Variants in TMTC2 observed in about 807,000 individuals in gnomAD.
The protein encoded by TMTC2 is transmembrane O-mannosyltransferase targeting cadherins 2.
TMTC2 carries 43 observed loss-of-function variants against 82.4 expected under a neutral mutation model. The ratio of observed to expected loss-of-function variants is 0.52; its 90% CI spans 0.41 to 0.67. The LOEUF is 0.67. Among genes scored for constraint, TMTC2 ranks in the 30% least tolerant of loss-of-function variants. TMTC2 has a pLI of 0.00. For synonymous variants in TMTC2, 408 were observed against 381.9 expected (o/e 1.07, Z -0.80); for missense variants, 919 against 1,012.4 (o/e 0.91, Z 1.25).
intron 8 of TMTC2, among the ~76,000 whole-genome samples, chr12:83,013,484 C>T (rs900438466): frequency 6.6e-6 from 1 of 152,160 alleles, no homozygotes; most frequent in East Asian, 1.9e-4. Context: ...GCTTATCTTT[C>T]AGTACAGAAG....
At chr12:82,903,309 C>T (rs1039587433) in intron 3 of TMTC2, among the ~76,000 whole-genome samples, 5 of 152,180 alleles carry the variant, frequency 3.3e-5, no homozygotes, top group Admixed American at 6.5e-5. Context: ...CACTATTTGA[C>T]ATACTATATT....
chr12:82,743,764 A>G (rs979861996), intron 1 of TMTC2, among the ~76,000 whole-genome samples: 4 of 152,190 alleles, frequency 2.6e-5, no homozygotes, highest in Non-Finnish European at 5.9e-5. Flanking sequence ...TGCCTTTCTG[A>G]TAGCTTTATT....
At chr12:82,939,439 T>A (rs1188995450) in intron 4 of TMTC2, among the ~76,000 whole-genome samples, 2 of 152,218 alleles carry the variant, frequency 1.3e-5, no homozygotes, top group African/African-American at 4.8e-5. Context: ...ATTTGCAGCC[T>A]AATATGCTTT....
chr12:83,059,959 C>T (rs536061985), intron 10 of TMTC2, among the ~76,000 whole-genome samples: 1 of 151,650 alleles, frequency 6.6e-6, no homozygotes, highest in Non-Finnish European at 1.5e-5. Context: ...CGGGAGAAAA[C>T]CTTTCCAGGG....
At chr12:82,813,900 A>C (rs1377392423) in intron 1 of TMTC2, among the ~76,000 whole-genome samples, 3 of 152,130 alleles carry the variant, frequency 2.0e-5, no homozygotes, top group Non-Finnish European at 2.9e-5. Flanking sequence ...CCAAACTTTT[A>C]AATTTCCTCT....
At chr12:83,009,666 A>G (rs1464120278) in intron 8 of TMTC2, among the ~76,000 whole-genome samples, 1 of 152,154 alleles carries the variant, frequency 6.6e-6, no homozygotes, top group Non-Finnish European at 1.5e-5. Context: ...GCGAGAACTA[A>G]TCTCTGCCTT....
intron 8 of TMTC2, among the ~76,000 whole-genome samples, chr12:83,001,635 C>CAA (rs34467744): frequency 4.1e-4 from 38 of 93,122 alleles, no homozygotes; most frequent in South Asian, 2.0e-3. Context: ...AACTCTGTCT[C>CAA]AAAAAAAAAA....
chr12:82,986,133 A>G (rs1000087005), intron 8 of TMTC2, 87 bp downstream of exon 8: 1 of 1,569,128 alleles, frequency 6.4e-7, no homozygotes, highest in Non-Finnish European at 8.7e-7. Flanking sequence ...TTTTACAGCC[A>G]GTTATCTAAG....
intron 9 of TMTC2, among the ~76,000 whole-genome samples, chr12:83,046,303 A>T (rs1882124493): frequency 2.6e-5 from 4 of 152,146 alleles, no homozygotes; most frequent in Admixed American, 2.6e-4. Context: ...TTCCCATAAG[A>T]CACTGATTCT....
chr12:83,079,244 C>T (rs1883384093), intron 11 of TMTC2, among the ~76,000 whole-genome samples: 1 of 151,854 alleles, frequency 6.6e-6, no homozygotes, highest in African/African-American at 2.4e-5. Context: ...AGTAGATCTT[C>T]CCCTATGGAA....
chr12:82,999,053 A>G (rs1366636849), intron 8 of TMTC2, among the ~76,000 whole-genome samples: 1 of 152,198 alleles, frequency 6.6e-6, no homozygotes, highest in Non-Finnish European at 1.5e-5. Context: ...ATTGTTATCA[A>G]CTAAAGTCCA....
chr12:83,075,018 T>C (rs1883239646), intron 11 of TMTC2, among the ~76,000 whole-genome samples: 1 of 152,202 alleles, frequency 6.6e-6, no homozygotes, highest in South Asian at 2.1e-4. Context: ...AGGAATGGCC[T>C]GCTTGGGGAC....
At chr12:82,771,640 T>G (rs564365166) in intron 1 of TMTC2, among the ~76,000 whole-genome samples, 1 of 152,338 alleles carries the variant, frequency 6.6e-6, no homozygotes, top group East Asian at 1.9e-4. Context: ...ATTTGATAAC[T>G]GTAATGTAAA....
intron 1 of TMTC2, among the ~76,000 whole-genome samples, chr12:82,728,936 G>A (rs879298242): frequency 1.3e-5 from 2 of 152,218 alleles, no homozygotes; most frequent in African/African-American, 2.4e-5. Flanking sequence ...TGGACTTCTC[G>A]TCGGGCCTTA....
chr12:83,125,216 C>A (rs918042687), intron 11 of TMTC2, among the ~76,000 whole-genome samples: 3 of 152,144 alleles, frequency 2.0e-5, no homozygotes, highest in African/African-American at 7.2e-5. Context: ...TCTATCATTA[C>A]CTTGAGTGAA....
intron 8 of TMTC2, among the ~76,000 whole-genome samples, chr12:82,997,420 A>ATGTGTG (rs1879713101): frequency 8.6e-6 from 1 of 116,208 alleles, no homozygotes; most frequent in African/African-American, 3.3e-5. Context: ...GTGTATATAT[A>ATGTGTG]TATATATACA....
intron 2 of TMTC2, among the ~76,000 whole-genome samples, chr12:82,861,844 G>A (rs1361782538): frequency 6.6e-6 from 1 of 152,186 alleles, no homozygotes; most frequent in East Asian, 1.9e-4. Flanking sequence ...TCAGGATTTA[G>A]TTTAATATAT....
intron 7 of TMTC2, among the ~76,000 whole-genome samples, chr12:82,978,200 C>T (rs1311274141): frequency 6.6e-6 from 1 of 151,538 alleles, no homozygotes; most frequent in Non-Finnish European, 1.5e-5. Context: ...AATAGATCAA[C>T]TAAAAATTAA....
chr12:82,857,790 T>G (rs1259105553), intron 2 of TMTC2, among the ~76,000 whole-genome samples: 5 of 152,238 alleles, frequency 3.3e-5, no homozygotes, highest in African/African-American at 1.2e-4. Context: ...TTTCTTACTT[T>G]CATGATTTCA....
Sources: allele counts gnomAD v4.1 joint callset (sites outside exome capture counted in the v4.1 genomes callset), GRCh38; gene constraint gnomAD v4.1.1; transcripts MANE v1.5; gene names NCBI Gene and HGNC (gene_info 2026-07-23, HGNC 2026-07-21).